KCNIP4: variants seen among roughly 807,000 people sequenced by gnomAD.
KCNIP4 encodes Kv channel-interacting protein 4.
A neutral mutation model predicts 34.0 loss-of-function variants in KCNIP4; 12 were observed. The observed-to-expected ratio is 0.35, with a 90% CI of 0.23 to 0.57. KCNIP4 has a LOEUF of 0.57. Ranked by LOEUF, KCNIP4 falls within the 20% of genes least tolerant of loss-of-function variation. KCNIP4 has a pLI of 0.83. For synonymous variants in KCNIP4, 124 were observed against 102.2 expected (o/e 1.21, Z -1.29); for missense variants, 238 against 311.7 (o/e 0.76, Z 1.78).
chr4:21,669,454 C>T lies in KCNIP4; in HGVS notation c.61+279117G>A, dbSNP rs559082206. Among the ~76,000 whole-genome samples the T allele has an allele frequency of 1.2e-4, 19 of 152,296 alleles. No individual in the cohort carries two copies. The East Asian group carries it at 3.7e-3, about 29-fold the overall frequency. ...TAACTAATTTACTGTAAGAATACAA[C>T]ATACAATACATGTAACATATAAAAT... is the stretch of plus-strand genomic sequence containing the variant. On this transcript the variant is annotated intron_variant, in intron 1 of 8. Transcript: ENST00000382152.
chr4:21,191,248 T>C (rs1755626332), intron 1 of KCNIP4, among the ~76,000 whole-genome samples: 1 of 152,206 alleles, frequency 6.6e-6, no homozygotes, highest in Admixed American at 6.5e-5. Flanking sequence ...CTTGTGTATT[T>C]GATAGCAAAG....
At chr4:21,547,271 CA>C (rs1418494871) in intron 1 of KCNIP4, among the ~76,000 whole-genome samples, 4 of 152,026 alleles carry the variant, frequency 2.6e-5, no homozygotes, top group Non-Finnish European at 5.9e-5. Flanking sequence ...GTTTGTTACA[CA>C]GCATTGATGC....
At chr4:21,231,392 C>T (rs573647772) in intron 1 of KCNIP4, among the ~76,000 whole-genome samples, 35 of 152,238 alleles carry the variant, frequency 2.3e-4, no homozygotes, top group Non-Finnish European at 4.4e-4. Flanking sequence ...GTTCAGTATA[C>T]ATTTTGTCAA....
intron 1 of KCNIP4, among the ~76,000 whole-genome samples, chr4:21,293,304 T>C (rs1441449072): frequency 1.3e-5 from 2 of 152,206 alleles, no homozygotes; most frequent in Non-Finnish European, 2.9e-5. Flanking sequence ...TGTTACCCAA[T>C]GTCAACTCTT....
At chr4:21,318,745 G>C (rs367880107) in intron 1 of KCNIP4, among the ~76,000 whole-genome samples, 44 of 152,196 alleles carry the variant, frequency 2.9e-4, no homozygotes, top group African/African-American at 1.0e-3. Flanking sequence ...TAAAGAGCCT[G>C]AGCATGAAGA....
At chr4:21,222,331 C>G (rs1758040755) in intron 1 of KCNIP4, among the ~76,000 whole-genome samples, 2 of 152,028 alleles carry the variant, frequency 1.3e-5, no homozygotes, top group Non-Finnish European at 2.9e-5. Context: ...AGCTTTAATG[C>G]ATTTGAGTAA....
At chr4:21,291,878 AG>A in intron 1 of KCNIP4, among the ~76,000 whole-genome samples, 3 of 25,130 alleles carry the variant, frequency 1.2e-4, no homozygotes, top group African/African-American at 2.7e-4. Flanking sequence ...AAAGAAAGAA[AG>A]AAAGAAAGAA....
At chr4:21,446,866 C>T (rs562138140) in intron 1 of KCNIP4, among the ~76,000 whole-genome samples, 4 of 151,920 alleles carry the variant, frequency 2.6e-5, no homozygotes, top group East Asian at 3.9e-4. Flanking sequence ...TAGTTCATTG[C>T]TTTTTATTGT....
chr4:21,539,996 A>G (rs1737542566), intron 1 of KCNIP4, among the ~76,000 whole-genome samples: 1 of 123,128 alleles, frequency 8.1e-6, no homozygotes, highest in South Asian at 3.2e-4. Context: ...ACAAACAAAC[A>G]GACAAAAAAA....
At chr4:20,797,459 G>A (rs1713626333) in intron 3 of KCNIP4, among the ~76,000 whole-genome samples, 1 of 152,180 alleles carries the variant, frequency 6.6e-6, no homozygotes, top group Non-Finnish European at 1.5e-5. Flanking sequence ...ACCTCCTGGT[G>A]TGTATGCCCT....
At chr4:21,576,428 T>C (rs1356930269) in intron 1 of KCNIP4, among the ~76,000 whole-genome samples, 4 of 151,974 alleles carry the variant, frequency 2.6e-5, no homozygotes, top group Non-Finnish European at 4.4e-5. Context: ...AAAAACACAT[T>C]TAAATATCCT....
At chr4:21,680,133 T>C (rs541525671) in intron 1 of KCNIP4, among the ~76,000 whole-genome samples, 53 of 152,270 alleles carry the variant, frequency 3.5e-4, no homozygotes, top group African/African-American at 1.2e-3. Flanking sequence ...GTCAATCCTC[T>C]CAAACACTAC....
intron 1 of KCNIP4, among the ~76,000 whole-genome samples, chr4:21,184,139 C>T (rs1357972419): frequency 6.6e-6 from 1 of 152,058 alleles, no homozygotes; most frequent in Non-Finnish European, 1.5e-5. Flanking sequence ...GTGACCATGG[C>T]AAGTTACTTA....
intron 3 of KCNIP4, among the ~76,000 whole-genome samples, chr4:20,818,325 T>C (rs138159136): frequency 6.6e-6 from 1 of 152,314 alleles, no homozygotes; most frequent in South Asian, 2.1e-4. Context: ...GTGGTATCAG[T>C]TCTCATGATT....
chr4:21,795,805 C>A (rs548286033), intron 1 of KCNIP4, among the ~76,000 whole-genome samples: 3 of 152,140 alleles, frequency 2.0e-5, no homozygotes, highest in African/African-American at 7.2e-5. Flanking sequence ...TGGTGGCTCA[C>A]GCCTGTAATC....
At chr4:21,729,730 C>CTAGT (rs71191599) in intron 1 of KCNIP4, 1 of 151,456 alleles carries the variant, frequency 6.6e-6, no homozygotes, top group Non-Finnish European at 1.5e-5. Context: ...AATCAAGAAA[C>CTAGT]TAAGTTGACA....
At chr4:21,155,245 C>T (rs1406572821) in intron 1 of KCNIP4, among the ~76,000 whole-genome samples, 1 of 152,150 alleles carries the variant, frequency 6.6e-6, no homozygotes, top group Non-Finnish European at 1.5e-5. Flanking sequence ...GTTTAAGCTA[C>T]TGTTACTTTG....
chr4:20,831,308 T>A (rs535717442), intron 3 of KCNIP4, among the ~76,000 whole-genome samples: 6 of 152,148 alleles, frequency 3.9e-5, no homozygotes, highest in Non-Finnish European at 8.8e-5. Flanking sequence ...CTTTTCAAGG[T>A]AAAACTCAGT....
intron 1 of KCNIP4, among the ~76,000 whole-genome samples, chr4:21,679,767 G>A: frequency 6.6e-6 from 1 of 152,210 alleles, no homozygotes; most frequent in East Asian, 1.9e-4. Context: ...TGGCTTCCCA[G>A]TGCACGTAAA....
Sources: gnomAD v4.1 joint callset for allele counts (sites outside exome capture counted in the v4.1 genomes callset) on GRCh38, gnomAD v4.1.1 for gene constraint, MANE v1.5 for transcripts, NCBI Gene and HGNC (gene_info 2026-07-23, HGNC 2026-07-21) for gene names.